The following CSMD1 variants were observed in gnomAD, a reference collection of about 807,000 sequenced individuals.
The protein encoded by CSMD1 is CUB and Sushi multiple domains 1.
CSMD1 carries 213 observed loss-of-function variants against 417.5 expected under a neutral mutation model. The ratio of observed to expected loss-of-function variants is 0.51; its 90% CI spans 0.46 to 0.57. The LOEUF (loss-of-function observed/expected upper bound fraction) is 0.57, where lower values mean the gene tolerates loss of function less well. Among genes scored for constraint, CSMD1 ranks in the 20% least tolerant of loss-of-function variants. The pLI, the probability that CSMD1 is intolerant of heterozygous loss-of-function variation, is 0.00. For synonymous variants in CSMD1, 2,862 were observed against 1,736.8 expected (o/e 1.65, Z -16.11); for missense variants, 6,923 against 4,529.7 (o/e 1.53, Z -15.17).
At chr8:3,025,376 A>G (rs901279684) in intron 51 of CSMD1, among the ~76,000 whole-genome samples, 1 of 148,824 alleles carries the variant, frequency 6.7e-6, no homozygotes, top group Non-Finnish European at 1.5e-5. Flanking sequence ...GTTATTCTGA[A>G]ACTGTGTATT....
rs188196527 is a variant in CSMD1, at chr8:4,550,367, G to A, written c.302+86975C>T. 1.1e-4 allele frequency among the ~76,000 whole-genome samples: 17 copies of A among 147,946 alleles called. No homozygotes were observed. In the South Asian group the frequency reaches 1.7e-3, roughly 15 times the overall value. ...CACACACACACACACACACAAACCCGGTCCCTAGATGGCATAGAAAGCTGA... is the reference window on the plus strand; with the variant it reads ...CACACACACACACACACACAAACCCAGTCCCTAGATGGCATAGAAAGCTGA... On this transcript the variant is annotated intron_variant, in intron 2 of 69. Transcript: ENST00000635120.
At chr8:3,531,015 G>C (rs901040679) in intron 10 of CSMD1, among the ~76,000 whole-genome samples, 1 of 145,408 alleles carries the variant, frequency 6.9e-6, no homozygotes, top group Non-Finnish European at 1.5e-5. Context: ...ACCATGCCCA[G>C]CTAATTTTTT....
At chr8:4,409,270 C>T (rs1412717402) in intron 3 of CSMD1, among the ~76,000 whole-genome samples, 1 of 152,034 alleles carries the variant, frequency 6.6e-6, no homozygotes, top group Admixed American at 6.6e-5. Context: ...TACTTATTTC[C>T]AGTGTTCTCG....
chr8:3,096,486 T>G (rs996996023), intron 47 of CSMD1, among the ~76,000 whole-genome samples: 1 of 152,174 alleles, frequency 6.6e-6, no homozygotes, highest in Non-Finnish European at 1.5e-5. Flanking sequence ...CTGTCTCTCA[T>G]GCCTGCCGTC....
At chr8:3,528,114 A>C (rs1797829855) in intron 10 of CSMD1, among the ~76,000 whole-genome samples, 1 of 152,240 alleles carries the variant, frequency 6.6e-6, no homozygotes, top group South Asian at 2.1e-4. Flanking sequence ...GAATACTGGA[A>C]AGTGATTCTT....
Position 4,031,344 on chromosome 8 carries a change from C to G in CSMD1, c.610+561G>C, listed in dbSNP as rs537438630. ...GAAGCCTCACAATCATAGCAGAAGG[C>G]AAGGAGGAGCACATCACGTCTTACA... On this transcript the variant is annotated intron_variant, in intron 4 of 69. Coordinates refer to ENST00000635120, the MANE Select transcript of CSMD1 (RefSeq NM_033225.6). Among the ~76,000 whole-genome samples the G allele has an allele frequency of 3.4e-4, 52 of 152,286 alleles. No individual in the cohort carries two copies. The South Asian group carries it at 7.3e-3, about 21-fold the overall frequency.
At chr8:3,557,781 G>T (rs1398063369) in intron 10 of CSMD1, among the ~76,000 whole-genome samples, 1 of 152,156 alleles carries the variant, frequency 6.6e-6, no homozygotes, top group Non-Finnish European at 1.5e-5. Flanking sequence ...GTTTGCCTAG[G>T]ACAGATAGAG....
intron 25 of CSMD1, among the ~76,000 whole-genome samples, chr8:3,301,704 G>A (rs1029566330): frequency 2.0e-5 from 3 of 152,256 alleles, no homozygotes; most frequent in Non-Finnish European, 2.9e-5. Flanking sequence ...CACCTGGAAA[G>A]CCGCACTAAG....
At chr8:4,932,447 G>A (rs7840682) in intron 1 of CSMD1, among the ~76,000 whole-genome samples, 47,199 of 151,858 alleles carry the variant, frequency 0.31, 8,283 homozygotes, top group Non-Finnish European at 0.41. Context: ...CTTTCTGCCA[G>A]TTTGTCTTAA....
intron 5 of CSMD1, among the ~76,000 whole-genome samples, chr8:3,914,912 A>G (rs530971439): frequency 9.4e-4 from 143 of 152,270 alleles, no homozygotes; most frequent in Admixed American, 1.6e-3. Context: ...TAACTCAATA[A>G]TTACTGATTG....
At chr8:4,037,864 C>T (rs1375327565) in intron 3 of CSMD1, among the ~76,000 whole-genome samples, 2 of 151,870 alleles carry the variant, frequency 1.3e-5, no homozygotes, top group African/African-American at 2.4e-5. Flanking sequence ...CATATATTCT[C>T]GTATACATAC....
intron 5 of CSMD1, among the ~76,000 whole-genome samples, chr8:3,855,024 C>T (rs1356311531): frequency 6.6e-6 from 1 of 152,014 alleles, no homozygotes; most frequent in Non-Finnish European, 1.5e-5. Flanking sequence ...CGGAAATAAA[C>T]ACAAAAACAT....
chr8:3,583,574 C>T (rs567938156), intron 9 of CSMD1, among the ~76,000 whole-genome samples: 11 of 152,026 alleles, frequency 7.2e-5, no homozygotes, highest in African/African-American at 2.7e-4. Context: ...GTCCAAGAGG[C>T]CACTTGATTT....
chr8:3,529,395 T>G (rs765013541), intron 10 of CSMD1, among the ~76,000 whole-genome samples: 1 of 152,100 alleles, frequency 6.6e-6, no homozygotes, highest in African/African-American at 2.4e-5. Flanking sequence ...ATTGACTATA[T>G]TGAAGGAGAT....
intron 12 of CSMD1, among the ~76,000 whole-genome samples, chr8:3,430,230 G>T (rs1814131076): frequency 6.6e-6 from 1 of 152,000 alleles, no homozygotes; most frequent in South Asian, 2.1e-4. Context: ...AGGACTATCT[G>T]CTATAAGGGA....
intron 3 of CSMD1, among the ~76,000 whole-genome samples, chr8:4,053,848 T>G (rs1300391875): frequency 2.0e-5 from 3 of 152,210 alleles, no homozygotes; most frequent in South Asian, 2.1e-4. Flanking sequence ...ACTAGTAGGT[T>G]GGTTTATATA....
At chr8:4,678,073 G>T (rs1327868638) in intron 1 of CSMD1, among the ~76,000 whole-genome samples, 1 of 151,802 alleles carries the variant, frequency 6.6e-6, no homozygotes, top group Non-Finnish European at 1.5e-5. Context: ...ACCCACATAT[G>T]AATTAAAGGA....
At position 4,949,436 on chromosome 8, in the gene CSMD1, G is replaced by C. The variant is rs374139725; in HGVS notation, c.85+44896C>G. 5.3e-5 allele frequency among the ~76,000 whole-genome samples: 8 copies of C among 152,244 alleles called. 1 individual carries two copies. The South Asian group carries it at 1.5e-3, about 28-fold the overall frequency. On this transcript the variant is annotated intron_variant, in intron 1 of 69. Transcript: ENST00000635120. ...TCCTGGAAAATTATTTGAGTATGCT[G>C]TATTATTTATAGAAAAATATTCAAC...
chr8:3,561,325 C>T (rs1443985891), intron 10 of CSMD1, among the ~76,000 whole-genome samples: 1 of 152,144 alleles, frequency 6.6e-6, no homozygotes, highest in East Asian at 1.9e-4. Flanking sequence ...GAAAAAGACA[C>T]CCGCACTCCT....
Sources: gnomAD v4.1 joint callset for allele counts (sites outside exome capture counted in the v4.1 genomes callset) on GRCh38, gnomAD v4.1.1 for gene constraint, MANE v1.5 for transcripts, NCBI Gene and HGNC (gene_info 2026-07-23, HGNC 2026-07-21) for gene names.